Variants in CBX5 observed in about 807,000 individuals in gnomAD.
CBX5 encodes chromobox 5, also known as chromobox protein homolog 5.
CBX5 carries 7 observed loss-of-function variants against 20.7 expected under a neutral mutation model. The observed-to-expected ratio is 0.34, with a 90% CI of 0.19 to 0.63. The LOEUF is 0.63. Ranked by LOEUF, CBX5 falls within the 30% of genes least tolerant of loss-of-function variation. CBX5 has a pLI of 0.75. For missense variants in CBX5, 110 were observed against 224.1 expected (o/e 0.49, Z 3.25); for synonymous variants, 78 against 77.0 (o/e 1.01, Z -0.07).
intron 1 of CBX5, among the ~76,000 whole-genome samples, chr12:54,267,186 A>AT (rs1345212178): frequency 3.3e-5 from 5 of 152,368 alleles, no homozygotes; most frequent in East Asian, 1.9e-4. Context: ...CAATTTCATC[A>AT]TAAGTAAATC....
intron 3 of CBX5, among the ~76,000 whole-genome samples, chr12:54,251,690 A>G (rs386471840): frequency 1.2e-3 from 186 of 152,260 alleles, no homozygotes; most frequent in Non-Finnish European, 1.9e-3. Context: ...GTCTCAAAAC[A>G]AAACAAAACA....
chr12:54,269,211 C>G (rs775246489), intron 1 of CBX5, among the ~76,000 whole-genome samples: 1 of 151,472 alleles, frequency 6.6e-6, no homozygotes, highest in African/African-American at 2.4e-5. Flanking sequence ...TGCAGTGAGT[C>G]GAGATTGCAC....
rs913828295 is a variant in CBX5, at chr12:54,235,794, G to A, written c.*5961C>T. The A allele has an allele frequency of 1.3e-5, 2 of 152,218 alleles. No homozygotes were observed. The highest frequency in any genetic ancestry group is 4.8e-5 in the African/African-American group (2 of 41,448). 9.4% of individuals were successfully genotyped at this position (152,218 alleles called of 1,614,324 possible). The stretch of plus-strand genomic sequence containing the variant: ...TCATGTTCATTCCTCCAAAAGGGAT[G>A]AGAAATTGAAAAAGGTGTGAGCAAC... On this transcript the variant is annotated 3_prime_UTR_variant, in exon 5 of 5. Transcript: ENST00000209875.
In CBX5 at chr12:54,257,510, T is replaced by G. The variant is rs767302058; in HGVS notation, c.137+4A>C. The G allele has an allele frequency of 6.2e-7, 1 of 1,614,138 alleles. No individual in the cohort carries two copies. Among genetic ancestry groups the G allele is most frequent in the Non-Finnish European group, 8.5e-7 (1 of 1,179,996 alleles). On this transcript the variant is annotated splice_donor_region_variant and intron_variant, in intron 2 of 4. Transcript: ENST00000209875. Reference sequence around the variant, plus strand: ...CCAACGCCTGGGGGAAAAAAGGAACTTACTCAGAAAAGCCTTTCCACTTCA... The same window carrying G: ...CCAACGCCTGGGGGAAAAAAGGAACGTACTCAGAAAAGCCTTTCCACTTCA...
chr12:54,275,931 G>A (rs1462968941), intron 1 of CBX5, among the ~76,000 whole-genome samples: 3 of 147,804 alleles, frequency 2.0e-5, no homozygotes, highest in Admixed American at 1.4e-4. Context: ...CGGAGGTTGA[G>A]GTGAGTCAAG....
At chr12:54,252,451 T>C (rs1225785590) in intron 2 of CBX5, 1 of 409,860 alleles carries the variant, frequency 2.4e-6, no homozygotes, top group African/African-American at 2.1e-5. Context: ...AGCAGCATTT[T>C]AATAGCCAAA....
At chr12:54,256,673 C>A (rs1429636082) in intron 2 of CBX5, among the ~76,000 whole-genome samples, 3 of 152,174 alleles carry the variant, frequency 2.0e-5, no homozygotes, top group African/African-American at 7.2e-5. Context: ...AGCACACACA[C>A]ACACACAAAT....
chr12:54,267,445 G>C (rs534129398), intron 1 of CBX5, among the ~76,000 whole-genome samples: 26 of 151,992 alleles, frequency 1.7e-4, no homozygotes, highest in African/African-American at 6.0e-4. Context: ...GGTTACAAAG[G>C]CTCCTTCAGG....
chr12:54,266,061 C>A (rs557170220), intron 1 of CBX5, among the ~76,000 whole-genome samples: 30 of 141,204 alleles, frequency 2.1e-4, no homozygotes, highest in South Asian at 6.8e-4. Context: ...AAAAAAAAAA[C>A]CAGGCGAAAC....
chr12:54,261,375 C>A (rs898286395), intron 1 of CBX5, among the ~76,000 whole-genome samples: 1 of 151,606 alleles, frequency 6.6e-6, no homozygotes, highest in African/African-American at 2.4e-5. Flanking sequence ...CGGCTTACTG[C>A]AACCTCCAAC....
chr12:54,251,249 A>G (rs1306355349), intron 3 of CBX5, among the ~76,000 whole-genome samples: 1 of 152,144 alleles, frequency 6.6e-6, no homozygotes, highest in Non-Finnish European at 1.5e-5. Flanking sequence ...TCACGAGGTC[A>G]GGAGTTCAAG....
At chr12:54,278,024 T>C (rs1194086092) in intron 1 of CBX5, among the ~76,000 whole-genome samples, 1 of 152,162 alleles carries the variant, frequency 6.6e-6, no homozygotes, top group Non-Finnish European at 1.5e-5. Context: ...TACTCCAGTA[T>C]TTTAAATGAA....
At chr12:54,265,808 T>G (rs1394002342) in intron 1 of CBX5, among the ~76,000 whole-genome samples, 3 of 151,802 alleles carry the variant, frequency 2.0e-5, no homozygotes, top group African/African-American at 7.3e-5. Context: ...TTTGGGAGGC[T>G]GAGGCAGGCA....
Position 54,276,483 on chromosome 12 carries a change from T to C in CBX5, c.-43+3525A>G, listed in dbSNP as rs993911088. The C allele has an allele frequency of 1.1e-4, 16 of 152,246 alleles. 1 individual carries two copies. Among genetic ancestry groups the C allele is most frequent in the East Asian group, 7.7e-4 (4 of 5,206 alleles). The allele number at this position is 152,246 out of a possible 1,614,324, so 9.4% of individuals were successfully genotyped here. On this transcript the variant is annotated intron_variant, in intron 1 of 4. Transcript: ENST00000209875. ...AATGGTTATGTGGATACTTGAAATA[T>C]GGTTTCTACTGAATGCAAATTGCTT...
At chr12:54,260,374 TC>T (rs1158837708) in intron 1 of CBX5, among the ~76,000 whole-genome samples, 1 of 151,868 alleles carries the variant, frequency 6.6e-6, no homozygotes, top group African/African-American at 2.4e-5. Context: ...GCGCATATAG[TC>T]CCAGCTCCTC....
chr12:54,264,421 C>T (rs1211420729), intron 1 of CBX5, among the ~76,000 whole-genome samples: 1 of 152,212 alleles, frequency 6.6e-6, no homozygotes, highest in East Asian at 1.9e-4. Flanking sequence ...CCCCACAAAG[C>T]AGTCACTACT....
At chr12:54,266,132 C>T (rs768960229) in intron 1 of CBX5, among the ~76,000 whole-genome samples, 6 of 150,352 alleles carry the variant, frequency 4.0e-5, no homozygotes, top group South Asian at 4.2e-4. Context: ...AAAACGGCTG[C>T]GTGCGGTGGC....
chr12:54,270,739 T>C (rs1016789942), intron 1 of CBX5, among the ~76,000 whole-genome samples: 7 of 152,196 alleles, frequency 4.6e-5, no homozygotes, highest in African/African-American at 1.7e-4. Flanking sequence ...TTTTATTTAA[T>C]TGCACTATGA....
In CBX5 at chr12:54,234,753, A is replaced by G. The variant is rs1385755622; in HGVS notation, c.*7002T>C. 6.6e-6 allele frequency: 1 copy of G among 152,240 alleles called. No homozygotes were observed. Among genetic ancestry groups the G allele is most frequent in the East Asian group, 1.9e-4 (1 of 5,208 alleles). The allele number at this position is 152,240 out of a possible 1,614,324, so 9.4% of individuals were successfully genotyped here. A position where few individuals can be genotyped will look rare whatever the true frequency, so the allele number is the denominator to read the frequency against. ...CTTCTCTTACTGACCTCAGAAACAA[A>G]TAGCATTGGAGGATCACTTTCTTCC... is the stretch of plus-strand genomic sequence containing the variant. On this transcript the variant is annotated 3_prime_UTR_variant, in exon 5 of 5. Transcript: ENST00000209875.
Sources: allele counts gnomAD v4.1 joint callset (sites outside exome capture counted in the v4.1 genomes callset), GRCh38; gene constraint gnomAD v4.1.1; transcripts MANE v1.5; gene names NCBI Gene and HGNC (gene_info 2026-07-23, HGNC 2026-07-21).